RALGAPA2: variants seen among roughly 807,000 people sequenced by gnomAD.
The protein encoded by RALGAPA2 is ral GTPase-activating protein subunit alpha-2.
In RALGAPA2, 139 loss-of-function variants were observed where a neutral mutation model predicts 230.4. The ratio of observed to expected loss-of-function variants is 0.60; its 90% CI spans 0.53 to 0.69. The LOEUF (loss-of-function observed/expected upper bound fraction) is 0.69, where lower values mean the gene tolerates loss of function less well. Among genes scored for constraint, RALGAPA2 ranks in the 30% least tolerant of loss-of-function variants. RALGAPA2 has a pLI of 0.00. For missense variants in RALGAPA2, 2,163 were observed against 2,276.0 expected, an observed-to-expected ratio of 0.95 and a Z score of 1.01; for synonymous variants, 847 against 837.8, an observed-to-expected ratio of 1.01 and a Z score of -0.19.
At chr20:20,556,640 T>C (rs1297037678) in intron 23 of RALGAPA2, among the ~76,000 whole-genome samples, 2 of 152,192 alleles carry the variant, frequency 1.3e-5, no homozygotes, top group East Asian at 1.9e-4. Flanking sequence ...CTTTAGCAAA[T>C]GAGGGCTTCA....
intron 35 of RALGAPA2, among the ~76,000 whole-genome samples, chr20:20,500,827 T>C (rs6075665): frequency 0.033 from 4,973 of 152,308 alleles, 102 homozygotes; most frequent in South Asian, 0.06. Flanking sequence ...GACTTGAAAG[T>C]TGAAATTACT....
At chr20:20,401,556 T>A (rs1164048796) in intron 38 of RALGAPA2, among the ~76,000 whole-genome samples, 1 of 148,230 alleles carries the variant, frequency 6.7e-6, no homozygotes, top group Non-Finnish European at 1.5e-5. Flanking sequence ...TGAGGTGGGA[T>A]TACTGTGTGA....
At chr20:20,528,413 G>A (rs1464662805) in intron 27 of RALGAPA2, among the ~76,000 whole-genome samples, 5 of 152,168 alleles carry the variant, frequency 3.3e-5, no homozygotes, top group Admixed American at 2.6e-4. Flanking sequence ...AGTATTGGCA[G>A]GGTGAGTGTG....
intron 23 of RALGAPA2, among the ~76,000 whole-genome samples, chr20:20,560,826 G>T (rs905941011): frequency 6.6e-5 from 10 of 152,304 alleles, no homozygotes; most frequent in African/African-American, 2.4e-4. Context: ...CTCTAAATGA[G>T]AAAAGATGGT....
chr20:20,533,516 G>A (rs1004077972), intron 26 of RALGAPA2, among the ~76,000 whole-genome samples: 1 of 151,988 alleles, frequency 6.6e-6, no homozygotes, highest in Non-Finnish European at 1.5e-5. Flanking sequence ...CAGTATATAA[G>A]GAGAAATACA....
intron 23 of RALGAPA2, among the ~76,000 whole-genome samples, chr20:20,552,635 T>C (rs1364925903): frequency 6.6e-6 from 1 of 152,198 alleles, no homozygotes; most frequent in Non-Finnish European, 1.5e-5. Flanking sequence ...ACATTCATAC[T>C]ATATATGAAT....
chr20:20,472,789 G>T (rs769896016), intron 37 of RALGAPA2, 40 bp downstream of exon 37: 3 of 1,581,162 alleles, frequency 1.9e-6, no homozygotes, highest in South Asian at 2.3e-5. Context: ...TCTTGATTCT[G>T]GGATGGTTAG....
intron 5 of RALGAPA2, among the ~76,000 whole-genome samples, chr20:20,642,626 T>C (rs781063165): frequency 2.0e-5 from 3 of 152,206 alleles, no homozygotes; most frequent in Non-Finnish European, 4.4e-5. Context: ...GAACTAAATA[T>C]AAATAAGGGT....
At chr20:20,464,271 T>A (rs1007329475) in intron 37 of RALGAPA2, among the ~76,000 whole-genome samples, 6 of 152,208 alleles carry the variant, frequency 3.9e-5, no homozygotes, top group Non-Finnish European at 7.3e-5. Flanking sequence ...CTGTCAGTAT[T>A]TGCATGCTCA....
At chr20:20,536,369 A>G (rs1272732876) in intron 25 of RALGAPA2, among the ~76,000 whole-genome samples, 1 of 152,234 alleles carries the variant, frequency 6.6e-6, no homozygotes, top group Non-Finnish European at 1.5e-5. Context: ...TAATAAAATT[A>G]TTACAAAGGG....
chr20:20,496,936 G>A (rs529805720), intron 35 of RALGAPA2, among the ~76,000 whole-genome samples: 43 of 152,222 alleles, frequency 2.8e-4, no homozygotes, highest in Non-Finnish European at 5.7e-4. Context: ...CGATTCAACT[G>A]TGTTTGAATG....
At chr20:20,677,629 A>ATTTTTTT (rs758379115) in intron 2 of RALGAPA2, among the ~76,000 whole-genome samples, 35 of 64,312 alleles carry the variant, frequency 5.4e-4, no homozygotes, top group Non-Finnish European at 8.1e-4. Context: ...GATTTGACCC[A>ATTTTTTT]TTTTTTTTTT....
At chr20:20,642,731 T>C (rs373491544) in intron 5 of RALGAPA2, among the ~76,000 whole-genome samples, 3 of 152,142 alleles carry the variant, frequency 2.0e-5, no homozygotes, top group African/African-American at 7.2e-5. Context: ...ACAGTGACGC[T>C]AGGAATAACT....
chr20:20,642,318 C>G (rs1408410437), intron 5 of RALGAPA2, among the ~76,000 whole-genome samples: 2 of 152,096 alleles, frequency 1.3e-5, no homozygotes, highest in Non-Finnish European at 2.9e-5. Context: ...GGAAGCAATT[C>G]TCCTGCCTCA....
chr20:20,514,969 G>C (rs932167083), intron 31 of RALGAPA2, among the ~76,000 whole-genome samples: 3 of 152,190 alleles, frequency 2.0e-5, no homozygotes, highest in African/African-American at 7.2e-5. Context: ...GCACCTGATC[G>C]CTGCCCACTG....
At chr20:20,571,422 T>G (rs1489037149) in intron 23 of RALGAPA2, 36 bp downstream of exon 23, 1 of 1,568,952 alleles carries the variant, frequency 6.4e-7, no homozygotes, top group Non-Finnish European at 8.7e-7. Flanking sequence ...CTATTTCCAA[T>G]TAATGGGCAA....
At chr20:20,495,938 T>C (rs2062191990) in intron 35 of RALGAPA2, among the ~76,000 whole-genome samples, 1 of 152,200 alleles carries the variant, frequency 6.6e-6, no homozygotes, top group Non-Finnish European at 1.5e-5. Flanking sequence ...CTGAGGTAGA[T>C]GACATCATCT....
intron 16 of RALGAPA2, among the ~76,000 whole-genome samples, chr20:20,593,777 C>T (rs532712310): frequency 6.6e-6 from 1 of 152,314 alleles, no homozygotes; most frequent in Admixed American, 6.5e-5. Flanking sequence ...CAGCATCTTC[C>T]TAAAGATAAA....
At chr20:20,490,453 T>C (rs2062022124) in intron 36 of RALGAPA2, among the ~76,000 whole-genome samples, 1 of 152,210 alleles carries the variant, frequency 6.6e-6, no homozygotes, top group Non-Finnish European at 1.5e-5. Flanking sequence ...GTATTTTCAA[T>C]GATCTTTTCT....
Sources: gnomAD v4.1 joint callset for allele counts (sites outside exome capture counted in the v4.1 genomes callset) on GRCh38, gnomAD v4.1.1 for gene constraint, MANE v1.5 for transcripts, NCBI Gene and HGNC (gene_info 2026-07-23, HGNC 2026-07-21) for gene names.